The following EEA1 variants were observed in gnomAD, a reference collection of about 807,000 sequenced individuals.
The protein encoded by EEA1 is early endosome antigen 1, also known as early endosome antigen 1, 162kD.
Under a neutral mutation model 209.2 loss-of-function variants are expected in EEA1, and 111 were observed. The observed-to-expected ratio is 0.53, with a 90% CI of 0.45 to 0.62. The LOEUF (loss-of-function observed/expected upper bound fraction) is 0.62, where lower values mean the gene tolerates loss of function less well. Ranked by LOEUF, EEA1 falls within the 20% of genes least tolerant of loss-of-function variation. EEA1 has a pLI of 0.00. For missense variants in EEA1, 1,343 were observed against 1,530.8 expected (o/e 0.88, Z 2.05); for synonymous variants, 536 against 540.6 (o/e 0.99, Z 0.12).
intron 3 of EEA1, among the ~76,000 whole-genome samples, chr12:92,861,229 GC>G (rs1318486648): frequency 1.3e-5 from 2 of 152,184 alleles, no homozygotes; most frequent in Non-Finnish European, 2.9e-5. Context: ...GCCGAGGCGG[GC>G]AGATCACCTG....
Position 92,770,748 on chromosome 12 carries a change from T to C in EEA1, c.*5263A>G, listed in dbSNP as rs898619533. 6.6e-6 allele frequency: 1 copy of C among 152,156 alleles called. No homozygotes were observed. The highest frequency in any genetic ancestry group is 1.5e-5 in the Non-Finnish European group (1 of 68,024). 9.4% of individuals were successfully genotyped at this position (152,156 alleles called of 1,614,324 possible). On this transcript the variant is annotated 3_prime_UTR_variant, in exon 29 of 29. Coordinates refer to ENST00000322349, the MANE Select transcript of EEA1 (RefSeq NM_003566.4). ...TTAAGTAGCAGTTTTAAAATTCCTA[T>C]TCTCAAACTCATCTCAGGTATATAG... is the stretch of plus-strand genomic sequence containing the variant.
chr12:92,825,220 G>T (rs553906810), intron 13 of EEA1, among the ~76,000 whole-genome samples: 1 of 152,266 alleles, frequency 6.6e-6, no homozygotes. Flanking sequence ...GGGAGGACGA[G>T]GCAGGCGGAG....
At chr12:92,870,426 G>A (rs576027046) in intron 2 of EEA1, among the ~76,000 whole-genome samples, 10 of 152,264 alleles carry the variant, frequency 6.6e-5, no homozygotes, top group East Asian at 1.9e-4. Context: ...AATGGGCAGC[G>A]CTTCCCCTAA....
intron 19 of EEA1, 50 bp from the exon 20 acceptor site, chr12:92,801,751 T>A: frequency 1.5e-6 from 2 of 1,307,078 alleles, no homozygotes; most frequent in South Asian, 1.5e-5. Flanking sequence ...GTAATAACCT[T>A]AAGAAGTTTA....
chr12:92,885,237 ACGC>A (rs1471559811), intron 2 of EEA1, among the ~76,000 whole-genome samples: 1 of 152,126 alleles, frequency 6.6e-6, no homozygotes, highest in Non-Finnish European at 1.5e-5. Context: ...GGTCAACTAC[ACGC>A]TATAAAATAT....
chr12:92,857,478 C>A lies in EEA1; in HGVS notation c.253G>T (p.Val85Leu). The change falls in exon 4 of 29, where the codon GTA becomes TTA. Residue 85 changes from valine (V) to leucine (L), a missense_variant. Around this residue, in one of 3 missense-constraint regions of EEA1, gnomAD observed 1,307 missense variants for 1,465.5 expected, o/e 0.89. Coordinates refer to ENST00000322349, the MANE Select transcript of EEA1 (RefSeq NM_003566.4). ...TGGACCTCTTGTCTGAGCAGTGTTA[C>A]ATCATCTCTAAATAAAAATGGGAGG... Reference protein sequence around the residue: ...ESNLALKRDDVTLLRQEVQDL... With the variant: ...ESNLALKRDDLTLLRQEVQDL... 1.3e-6 allele frequency: 2 copies of A among 1,572,054 alleles called. No individual in the cohort carries two copies. The highest frequency in any genetic ancestry group is 1.7e-6 in the Non-Finnish European group (2 of 1,163,092).
intron 2 of EEA1, among the ~76,000 whole-genome samples, chr12:92,870,043 T>C (rs549951041): frequency 1.3e-5 from 2 of 152,122 alleles, no homozygotes; most frequent in Non-Finnish European, 2.9e-5. Context: ...CTATAAAGTT[T>C]TTCCTGAGTT....
chr12:92,839,212 A>G (rs570435241), intron 10 of EEA1, among the ~76,000 whole-genome samples: 127 of 152,232 alleles, frequency 8.3e-4, no homozygotes, highest in Non-Finnish European at 1.6e-3. Flanking sequence ...TGAGTAACTC[A>G]GTGAACCAAT....
At chr12:92,898,080 C>T (rs1403930711) in intron 1 of EEA1, among the ~76,000 whole-genome samples, 1 of 151,872 alleles carries the variant, frequency 6.6e-6, no homozygotes. Flanking sequence ...ACAAGTATGC[C>T]TATATACTTG....
chr12:92,873,291 T>G (rs1191871639), intron 2 of EEA1, among the ~76,000 whole-genome samples: 1 of 152,052 alleles, frequency 6.6e-6, no homozygotes, highest in Non-Finnish European at 1.5e-5. Flanking sequence ...CGCTTAAAGA[T>G]GAAAGGGAAA....
chr12:92,809,291 T>C (rs1565816936), intron 17 of EEA1, 135 bp from the exon 18 acceptor site: 3 of 598,492 alleles, frequency 5.0e-6, no homozygotes, highest in African/African-American at 3.9e-5. Context: ...AAAAAACATA[T>C]TCTGAAACCA....
chr12:92,859,696 G>A (rs77115787), intron 3 of EEA1, among the ~76,000 whole-genome samples: 3,751 of 152,228 alleles, frequency 0.025, 170 homozygotes, highest in African/African-American at 0.084. Context: ...CCTACCCAAC[G>A]CTCCAAAGTC....
At chr12:92,912,560 C>G (rs948501595) in intron 1 of EEA1, among the ~76,000 whole-genome samples, 1 of 152,162 alleles carries the variant, frequency 6.6e-6, no homozygotes, top group African/African-American at 2.4e-5. Context: ...CTGTTTTCCA[C>G]CTTATTTTCT....
In EEA1 at chr12:92,782,134, G is replaced by C; in HGVS notation, c.3152C>G (p.Ser1051Cys). ...TGCTAGAGAAAGCTTCTCTTCTACA[G>C]ACTTACAAAAACAATTTTCCCAAAT... The part of the protein sequence containing the change: ...ELLATRQDLK[S>C]VEEKLSLAQE... Residue 1051 changes from serine (S) to cysteine (C), a missense_variant and splice_region_variant, in exon 23 of 29, where the codon TCT becomes TGT. By Grantham distance (112) the Ser-to-Cys change is moderately radical (BLOSUM62 -1). Coordinates refer to ENST00000322349, the MANE Select transcript of EEA1 (RefSeq NM_003566.4). The C allele has an allele frequency of 1.3e-6, 2 of 1,589,630 alleles. No homozygotes were observed. The highest frequency in any genetic ancestry group is 1.7e-6 in the Non-Finnish European group (2 of 1,167,816).
chr12:92,876,342 C>T (rs1391015870), intron 2 of EEA1, among the ~76,000 whole-genome samples: 3 of 152,114 alleles, frequency 2.0e-5, no homozygotes, highest in South Asian at 2.1e-4. Flanking sequence ...AGATTACAGG[C>T]GTGAGCCACC....
chr12:92,921,687 C>T (rs1436654306), intron 1 of EEA1, among the ~76,000 whole-genome samples: 1 of 127,204 alleles, frequency 7.9e-6, no homozygotes, highest in Admixed American at 8.5e-5. Context: ...CAGCATGGCA[C>T]ATGTATACAT....
chr12:92,824,993 T>A (rs1185856080), intron 13 of EEA1, among the ~76,000 whole-genome samples: 1 of 152,132 alleles, frequency 6.6e-6, no homozygotes, highest in African/African-American at 2.4e-5. Context: ...CTCTCCAAAC[T>A]CAGAAGAGAA....
At chr12:92,906,369 C>T (rs1880386838) in intron 1 of EEA1, among the ~76,000 whole-genome samples, 1 of 152,072 alleles carries the variant, frequency 6.6e-6, no homozygotes, top group Admixed American at 6.5e-5. Context: ...GCTGAGATTA[C>T]AGGCATGAGT....
Position 92,772,213 on chromosome 12 carries a change from T to G in EEA1, c.*3798A>C, listed in dbSNP as rs190900214. The G allele has an allele frequency of 1.2e-4, 18 of 152,074 alleles. 1 individual carries two copies. Among genetic ancestry groups the G allele is most frequent in the African/African-American group, 4.1e-4 (17 of 41,554 alleles). The allele number at this position is 152,074 out of a possible 1,614,324, so 9.4% of individuals were successfully genotyped here. On this transcript the variant is annotated 3_prime_UTR_variant, in exon 29 of 29. Coordinates refer to ENST00000322349, the MANE Select transcript of EEA1 (RefSeq NM_003566.4). The stretch of plus-strand genomic sequence containing the variant: ...TTTTAAGTATCTTTAAATGGTCATC[T>G]GGGTATTAAATGCAGACACACAATG...
Sources: allele counts gnomAD v4.1 joint callset (sites outside exome capture counted in the v4.1 genomes callset), GRCh38; gene constraint gnomAD v4.1.1; regional missense constraint gnomAD v4.1.1; transcripts MANE v1.5; gene names NCBI Gene and HGNC (gene_info 2026-07-23, HGNC 2026-07-21).